NEK9: variants seen among roughly 807,000 people sequenced by gnomAD.
The protein encoded by NEK9 is serine/threonine-protein kinase Nek9.
NEK9 carries 75 observed loss-of-function variants against 123.4 expected under a neutral mutation model. That is an observed-to-expected ratio of 0.61 (90% confidence interval 0.50 to 0.74). The LOEUF (loss-of-function observed/expected upper bound fraction) is 0.74, where lower values mean the gene tolerates loss of function less well. Ranked by LOEUF, NEK9 falls within the 30% of genes least tolerant of loss-of-function variation. The probability of loss-of-function intolerance (pLI) is 0.00; values close to 1 mark genes in which losing one functional copy is unlikely to be tolerated. For synonymous variants in NEK9, 438 were observed against 458.7 expected (o/e 0.95, Z 0.58); for missense variants, 952 against 1,214.4 (o/e 0.78, Z 3.21).
At chr14:75,122,474 T>A (rs1895369467) in intron 2 of NEK9, among the ~76,000 whole-genome samples, 1 of 152,168 alleles carries the variant, frequency 6.6e-6, no homozygotes, top group African/African-American at 2.4e-5. Flanking sequence ...GCACTATGCA[T>A]GTAATACAAC....
At chr14:75,122,262 C>T (rs367843931) in intron 2 of NEK9, among the ~76,000 whole-genome samples, 2 of 152,064 alleles carry the variant, frequency 1.3e-5, no homozygotes, top group African/African-American at 2.4e-5. Flanking sequence ...TCTGCTACTT[C>T]GAAAATTTTT....
rs374208402 is a variant in NEK9, at chr14:75,095,427, T to C, written c.2178A>G (p.Lys726=). ...RGWHTILIVE[K]VLNSKTIRSN... is the part of the protein sequence containing the mutation. ...AACGGATGGTCTTAGAATTCAATACTTTCTCTGAGAAAAAATATTTGGTAG... is the reference window on the plus strand; with the variant it reads ...AACGGATGGTCTTAGAATTCAATACCTTCTCTGAGAAAAAATATTTGGTAG... The change falls in exon 18 of 22, where the codon AAA becomes AAG. Residue 726 remains lysine, a synonymous_variant. Transcript: ENST00000238616. 1 of 1,611,970 alleles carries C rather than the reference T, an allele frequency of 6.2e-7. No homozygotes were observed. The highest frequency in any genetic ancestry group is 8.5e-7 in the Non-Finnish European group (1 of 1,178,540).
intron 19 of NEK9, 40 bp downstream of exon 19, chr14:75,091,230 C>T: frequency 6.5e-7 from 1 of 1,544,106 alleles, no homozygotes; most frequent in Non-Finnish European, 8.8e-7. Context: ...CTGCAAAGGG[C>T]CACATATTTT....
chr14:75,092,442 T>C (rs1439644578), intron 18 of NEK9, among the ~76,000 whole-genome samples: 1 of 151,552 alleles, frequency 6.6e-6, no homozygotes, highest in African/African-American at 2.4e-5. Flanking sequence ...AATTTTTGTA[T>C]TTTCAGTAAA....
At chr14:75,118,783 A>C in intron 5 of NEK9, 47 bp downstream of exon 5, 1 of 1,063,756 alleles carries the variant, frequency 9.4e-7, no homozygotes, top group Non-Finnish European at 1.4e-6. Flanking sequence ...GTTATATTTC[A>C]CAGTGCTAGA....
chr14:75,126,566 G>A (rs959753427), intron 1 of NEK9, 137 bp downstream of exon 1: 8 of 518,106 alleles, frequency 1.5e-5, no homozygotes, highest in Non-Finnish European at 2.2e-5. Context: ...TGGGAAGAGT[G>A]GTGAAGACCC....
At chr14:75,121,020 A>G (rs758173143) in intron 3 of NEK9, 99 bp downstream of exon 3, 4 of 1,019,476 alleles carry the variant, frequency 3.9e-6, no homozygotes, top group South Asian at 2.6e-5. Context: ...GAACAAAAGG[A>G]AAAAAACACT....
chr14:75,108,267 G>C (rs1894843268), intron 10 of NEK9, among the ~76,000 whole-genome samples: 1 of 151,972 alleles, frequency 6.6e-6, no homozygotes, highest in Non-Finnish European at 1.5e-5. Context: ...AGGGATTACA[G>C]GTGCCCGCCA....
chr14:75,091,230 C>G (rs773024996), intron 19 of NEK9, 40 bp downstream of exon 19: 1 of 1,544,106 alleles, frequency 6.5e-7, no homozygotes. Context: ...CTGCAAAGGG[C>G]CACATATTTT....
intron 7 of NEK9, 71 bp from the exon 8 acceptor site, chr14:75,113,474 A>G (rs963379429): frequency 2.1e-5 from 23 of 1,085,542 alleles, no homozygotes; most frequent in Non-Finnish European, 3.1e-5. Context: ...GATGTTAATT[A>G]GTCAAAGACC....
chr14:75,087,255 A>G (rs1037775133), intron 20 of NEK9, 25 bp from the exon 21 acceptor site: 2 of 1,578,156 alleles, frequency 1.3e-6, no homozygotes, highest in African/African-American at 1.3e-5. Flanking sequence ...AGGAGATTGC[A>G]GGAGGTTCTG....
chr14:75,113,488 G>T, intron 7 of NEK9, 85 bp from the exon 8 acceptor site: 1 of 925,186 alleles, frequency 1.1e-6, no homozygotes, highest in Non-Finnish European at 1.7e-6. Flanking sequence ...AAAGACCACT[G>T]CATTATCCTT....
At chr14:75,086,049 C>T (rs1181071687) in intron 21 of NEK9, among the ~76,000 whole-genome samples, 2 of 151,804 alleles carry the variant, frequency 1.3e-5, no homozygotes, top group African/African-American at 2.4e-5. Context: ...ATTGGCTGGG[C>T]ATGGTGGTAA....
At chr14:75,107,218 T>C (rs56991049) in intron 11 of NEK9, 125 bp downstream of exon 11, 1 of 979,454 alleles carries the variant, frequency 1.0e-6, no homozygotes, top group African/African-American at 1.7e-5. Context: ...TGAGTATATT[T>C]GCTCAAGGTC....
chr14:75,114,357 T>C, intron 6 of NEK9, 44 bp from the exon 7 acceptor site: 5 of 1,445,984 alleles, frequency 3.5e-6, no homozygotes, highest in Non-Finnish European at 4.9e-6. Flanking sequence ...TATATAAAGA[T>C]GATGCTATAC....
chr14:75,126,064 C>A (rs1373102663), intron 1 of NEK9, among the ~76,000 whole-genome samples: 1 of 152,062 alleles, frequency 6.6e-6, no homozygotes, highest in African/African-American at 2.4e-5. Flanking sequence ...CCTTGTGCCC[C>A]CCAAATTAAG....
chr14:75,108,388 A>G (rs1234746660), intron 10 of NEK9, among the ~76,000 whole-genome samples: 3 of 151,682 alleles, frequency 2.0e-5, no homozygotes, highest in African/African-American at 7.3e-5. Context: ...GGCCTCCCAA[A>G]GTTTTGAGAT....
intron 4 of NEK9, among the ~76,000 whole-genome samples, chr14:75,119,295 A>G (rs1895245288): frequency 6.6e-6 from 1 of 152,166 alleles, no homozygotes; most frequent in African/African-American, 2.4e-5. Context: ...CCTGGGCAAC[A>G]GGGTGAGACC....
intron 9 of NEK9, 27 bp downstream of exon 9, chr14:75,110,294 A>AG (rs753181860): frequency 6.4e-7 from 1 of 1,572,306 alleles, no homozygotes; most frequent in South Asian, 1.1e-5. Flanking sequence ...CGGATATATT[A>AG]GTTTTTAAGA....
Sources: gnomAD v4.1 joint callset for allele counts (sites outside exome capture counted in the v4.1 genomes callset) on GRCh38, gnomAD v4.1.1 for gene constraint, MANE v1.5 for transcripts, NCBI Gene and HGNC (gene_info 2026-07-23, HGNC 2026-07-21) for gene names.